LAMB4: variants seen among roughly 807,000 people sequenced by gnomAD.
The protein encoded by LAMB4 is laminin subunit beta 4.
LAMB4 carries 196 observed loss-of-function variants against 199.2 expected under a neutral mutation model. The observed-to-expected ratio is 0.98, with a 90% CI of 0.88 to 1.11. LAMB4 has a LOEUF of 1.11. LAMB4 is among the 50% of genes least tolerant of loss of function. The pLI, the probability that LAMB4 is intolerant of heterozygous loss-of-function variation, is 0.00. For missense variants in LAMB4, 2,080 were observed against 2,171.2 expected (o/e 0.96, Z 0.83); for synonymous variants, 744 against 770.6 (o/e 0.97, Z 0.57).
rs556464213 is a variant in LAMB4, at chr7:108,103,998, T to C, written c.991+501A>G. On this transcript the variant is annotated intron_variant, in intron 9 of 33. Transcript: ENST00000388781. ...CATTAAAATTCAGAGGCAGCAAACA[T>C]GTTAGCCAAAACAAAACCAGCATCT... Among the ~76,000 whole-genome samples, 7 of 152,324 alleles carry C rather than the reference T, an allele frequency of 4.6e-5. No individual in the cohort carries two copies. The South Asian group carries it at 1.0e-3, about 23-fold the overall frequency.
intron 33 of LAMB4, among the ~76,000 whole-genome samples, chr7:108,025,532 G>A (rs1313594700): frequency 2.0e-5 from 3 of 151,344 alleles, no homozygotes; most frequent in East Asian, 1.9e-4. Context: ...GGGTTCAAGC[G>A]ATTCTCCTGC....
rs1584586686 is a variant in LAMB4, at chr7:108,031,094, G to T, written c.4819-115C>A. ...TGGGTGTAAAGGAAAAGAAAATAGTGCCTCCACTTTTTCTGTTGCATTTAT... is the reference window on the plus strand; with the variant it reads ...TGGGTGTAAAGGAAAAGAAAATAGTTCCTCCACTTTTTCTGTTGCATTTAT... On this transcript the variant is annotated intron_variant, in intron 31 of 33. Transcript: ENST00000388781. The T allele has an allele frequency of 5.0e-5, 33 of 662,394 alleles. No homozygotes were observed. The South Asian group carries it at 9.0e-4, about 18-fold the overall frequency. 41.0% of individuals were successfully genotyped at this position (662,394 alleles called of 1,614,324 possible).
rs1424212285 is a variant in LAMB4 at position 108,116,080 on chromosome 7, C to A, written c.116G>T (p.Arg39Met). Reference sequence around the variant, plus strand: ...AGAAGAAGCCATAAGCTGCGTGTTCCTGCCCACCAGGAGATCACCAGTGGT... The same window carrying A: ...AGAAGAAGCCATAAGCTGCGTGTTCATGCCCACCAGGAGATCACCAGTGGT... ...HPTTGDLLVGRNTQLMASSTC... is the reference protein window; with the variant it reads ...HPTTGDLLVGMNTQLMASSTC... The change falls in exon 3 of 34, where the codon AGG (arginine) becomes ATG (methionine). Residue 39 changes from arginine to methionine, a missense_variant. Coordinates refer to ENST00000388781, the MANE Select transcript of LAMB4 (RefSeq NM_007356.3). 1 of 1,614,100 alleles carries A rather than the reference C, an allele frequency of 6.2e-7. No individual in the cohort carries two copies. The highest frequency in any genetic ancestry group is 1.7e-5 in the Admixed American group (1 of 60,016).
At chr7:108,103,008 A>T in intron 10 of LAMB4, 36 bp downstream of exon 10, 1 of 1,501,238 alleles carries the variant, frequency 6.7e-7, no homozygotes, top group Non-Finnish European at 9.0e-7. Context: ...CTTTGCTCAG[A>T]CAGTGGGTAG....
chr7:108,033,463 T>G (rs1026848012), intron 31 of LAMB4, among the ~76,000 whole-genome samples: 1 of 152,196 alleles, frequency 6.6e-6, no homozygotes, highest in Non-Finnish European at 1.5e-5. Flanking sequence ...TAGACTGGAG[T>G]GCAGTGGCAC....
intron 5 of LAMB4, among the ~76,000 whole-genome samples, chr7:108,108,533 C>T (rs982421454): frequency 2.6e-5 from 4 of 152,138 alleles, no homozygotes; most frequent in African/African-American, 7.2e-5. Context: ...TTAAATTCCC[C>T]AGCATTTTAA....
rs554492165 is a variant in LAMB4 at position 108,084,577 on chromosome 7, C to T, written c.1702-4791G>A. Among the ~76,000 whole-genome samples the T allele has an allele frequency of 3.3e-5, 5 of 152,204 alleles. No individual in the cohort carries two copies. In the East Asian group the frequency reaches 5.8e-4, roughly 18 times the overall value. ...ACCCATTTGCAGATAGTGCACAACACGGGCCAATGAACACAGAATTCTGGT... is the reference window on the plus strand; with the variant it reads ...ACCCATTTGCAGATAGTGCACAACATGGGCCAATGAACACAGAATTCTGGT... On this transcript the variant is annotated intron_variant, in intron 14 of 33. Transcript: ENST00000388781.
chr7:108,070,999 A>G (rs2036514927), intron 17 of LAMB4, among the ~76,000 whole-genome samples: 1 of 152,198 alleles, frequency 6.6e-6, no homozygotes, highest in Non-Finnish European at 1.5e-5. Flanking sequence ...TTTAGTGCTC[A>G]AGAAGGAAGA....
Position 108,122,441 on chromosome 7 carries a change from G to C in LAMB4, c.34+690C>G, listed in dbSNP as rs539884280. Among the ~76,000 whole-genome samples, 3 of 152,278 alleles carry C rather than the reference G, an allele frequency of 2.0e-5. No homozygotes were observed. The South Asian group carries it at 6.2e-4, about 32-fold the overall frequency. ...AGAACAAATGAGTGCTTACCATCTG[G>C]ACTATTACCAGCAAATCTAACTGGA... On this transcript the variant is annotated intron_variant, in intron 2 of 33. Coordinates refer to ENST00000388781, the MANE Select transcript of LAMB4 (RefSeq NM_007356.3).
At chr7:108,056,065 C>A in intron 24 of LAMB4, 58 bp from the exon 25 acceptor site, 1 of 1,493,058 alleles carries the variant, frequency 6.7e-7, no homozygotes, top group Non-Finnish European at 9.0e-7. Context: ...TGATGACTAA[C>A]TCAAGAATCA....
At chr7:108,024,706 G>C (rs146343376) in intron 33 of LAMB4, among the ~76,000 whole-genome samples, 1 of 130,562 alleles carries the variant, frequency 7.7e-6, no homozygotes, top group African/African-American at 4.1e-5. Context: ...CCCATCCATC[G>C]ATCCATTGAT....
At chr7:108,012,183 A>G in the LAMB4 span, among the ~76,000 whole-genome samples, 288 of 152,108 alleles carry the variant, frequency 1.9e-3, no homozygotes, top group African/African-American at 6.8e-3. Context: ...TTATATAAAC[A>G]CATGAATAAA....
chr7:108,120,884 AT>A (rs548074359), intron 2 of LAMB4, among the ~76,000 whole-genome samples: 1 of 151,600 alleles, frequency 6.6e-6, no homozygotes, highest in Non-Finnish European at 1.5e-5. Flanking sequence ...TTTTGTCAGA[AT>A]TTTTTTTTCA....
chr7:108,092,960 G>A (rs1356260086), intron 12 of LAMB4, among the ~76,000 whole-genome samples: 1 of 152,140 alleles, frequency 6.6e-6, no homozygotes, highest in African/African-American at 2.4e-5. Context: ...TGTGTCAAGT[G>A]GAAAAGAAAT....
At chr7:108,035,604 C>CAAA (rs34425857) in intron 30 of LAMB4, among the ~76,000 whole-genome samples, 5 of 79,938 alleles carry the variant, frequency 6.3e-5, no homozygotes, top group Admixed American at 1.7e-4. Flanking sequence ...TAGAGAGTAC[C>CAAA]AAAAAAAAAA....
rs747160665 is a variant in LAMB4 at position 108,024,106 on chromosome 7, T to A, written c.5219A>T (p.Asp1740Val). The change falls in exon 34 of 34, where the codon GAT becomes GTT. Residue 1740 changes from aspartate to valine, a missense_variant. Transcript: ENST00000388781. ...AKADQLRILE[D>V]QVVAIKNEIV... The stretch of plus-strand genomic sequence containing the variant: ...TTCATTTTTAATGGCAACAACTTGA[T>A]CTTCCAATATTCTCAGTTGATCAGC... The A allele has an allele frequency of 3.7e-6, 6 of 1,606,446 alleles. No homozygotes were observed. In the South Asian group the frequency reaches 6.7e-5, roughly 18 times the overall value.
At chr7:108,070,277 A>C (rs933296680) in intron 17 of LAMB4, among the ~76,000 whole-genome samples, 1 of 152,160 alleles carries the variant, frequency 6.6e-6, no homozygotes, top group Non-Finnish European at 1.5e-5. Flanking sequence ...CATCTCCTCT[A>C]GTCTTCTTTT....
chr7:108,069,570 C>T (rs1237360409), intron 18 of LAMB4, 138 bp downstream of exon 18: 1 of 721,234 alleles, frequency 1.4e-6, no homozygotes, highest in African/African-American at 1.8e-5. Context: ...CATCAGCAGA[C>T]CACTCTGTGT....
chr7:108,110,487 T>C (rs1223703430), intron 4 of LAMB4, among the ~76,000 whole-genome samples: 2 of 152,164 alleles, frequency 1.3e-5, no homozygotes, highest in African/African-American at 2.4e-5. Flanking sequence ...TGGACTACAG[T>C]GAATCGGGGT....
Sources: gnomAD v4.1 joint callset for allele counts (sites outside exome capture counted in the v4.1 genomes callset) on GRCh38, gnomAD v4.1.1 for gene constraint, MANE v1.5 for transcripts, NCBI Gene and HGNC (gene_info 2026-07-23, HGNC 2026-07-21) for gene names.